KIRREL3: variants seen among roughly 807,000 people sequenced by gnomAD.
KIRREL3 encodes the protein kirre like nephrin family adhesion molecule 3.
KIRREL3 carries 36 observed loss-of-function variants against 89.7 expected under a neutral mutation model. The ratio of observed to expected loss-of-function variants is 0.40; its 90% CI spans 0.31 to 0.53. The LOEUF (loss-of-function observed/expected upper bound fraction) is 0.53, where lower values mean the gene tolerates loss of function less well. Among genes scored for constraint, KIRREL3 ranks in the 20% least tolerant of loss-of-function variants. The probability of loss-of-function intolerance (pLI) is 0.49; values close to 1 mark genes in which losing one functional copy is unlikely to be tolerated. For synonymous variants in KIRREL3, 445 were observed against 441.4 expected (o/e 1.01, Z -0.10); for missense variants, 864 against 1,056.6 (o/e 0.82, Z 2.53).
In KIRREL3 at chr11:126,530,534, G is replaced by A. The variant is rs1322325422; in HGVS notation, c.134-3847C>T. 3.9e-5 allele frequency among the ~76,000 whole-genome samples: 6 copies of A among 152,262 alleles called. No individual in the cohort carries two copies. Among genetic ancestry groups the A allele is most frequent in the South Asian group, 2.1e-4 (1 of 4,824 alleles). On this transcript the variant is annotated intron_variant, in intron 2 of 16. Coordinates refer to ENST00000525144, the MANE Select transcript of KIRREL3 (RefSeq NM_032531.4). This position sits in a 1 kb window ranked among gnomAD's most constrained non-coding sequence, Gnocchi z 5.8. ...TGTTTCTTCCACACACACACTGACC[G>A]GACCCTGCTGTGAGGCAGGCACTGT...
intron 1 of KIRREL3, among the ~76,000 whole-genome samples, chr11:126,572,124 C>T (rs2134629963): frequency 6.6e-6 from 1 of 152,250 alleles, no homozygotes; most frequent in Non-Finnish European, 1.5e-5. Flanking sequence ...GGCTGGGAGG[C>T]CAGGCAGGAA....
rs1055878374 is a variant in KIRREL3 at position 126,544,234 on chromosome 11, T to C, written c.134-17547A>G. On this transcript the variant is annotated intron_variant, in intron 2 of 16. Transcript: ENST00000525144. This position sits in a 1 kb window ranked among gnomAD's most constrained non-coding sequence, Gnocchi z 5.6. ...AGCATTCATGTCTGTAATTAGTTAC[T>C]GTATATCACGGTTAGTACTCTGCTC... The C allele has an allele frequency of 6.6e-6, 1 of 152,238 alleles. No individual in the cohort carries two copies. The highest frequency in any genetic ancestry group is 1.5e-5 in the Non-Finnish European group (1 of 68,046). The allele number at this position is 152,238 out of a possible 1,614,324, so 9.4% of individuals were successfully genotyped here.
intron 11 of KIRREL3, among the ~76,000 whole-genome samples, chr11:126,437,888 A>ACACACACACCATGTGCT (rs1381710192): frequency 6.6e-6 from 1 of 152,126 alleles, no homozygotes; most frequent in Admixed American, 6.5e-5. Context: ...ACTATGACAT[A>ACACACACACCATGTGCT]CACACACACC....
intron 1 of KIRREL3, among the ~76,000 whole-genome samples, chr11:126,854,822 C>A (rs558368730): frequency 2.0e-5 from 3 of 152,296 alleles, no homozygotes; most frequent in Admixed American, 2.0e-4. Context: ...GTGGCAGCAC[C>A]ATTTTCACAT....
At chr11:126,497,836 T>C (rs1404820223) in intron 4 of KIRREL3, among the ~76,000 whole-genome samples, 1 of 152,112 alleles carries the variant, frequency 6.6e-6, no homozygotes, top group Non-Finnish European at 1.5e-5. Flanking sequence ...TTAGTGTAGC[T>C]CCTCCTTCAG....
At chr11:126,789,220 C>T (rs1950566806) in intron 1 of KIRREL3, among the ~76,000 whole-genome samples, 1 of 152,144 alleles carries the variant, frequency 6.6e-6, no homozygotes, top group South Asian at 2.1e-4. Context: ...TTCTTTCTTT[C>T]TCCTAAATTT....
At chr11:126,793,803 A>G (rs1950720094) in intron 1 of KIRREL3, among the ~76,000 whole-genome samples, 1 of 152,274 alleles carries the variant, frequency 6.6e-6, no homozygotes, top group South Asian at 2.1e-4. Flanking sequence ...AGGAACAGGC[A>G]GAGGTGAAGA....
rs35604640 is a variant in KIRREL3, at chr11:126,778,045, GA to G, written c.56-215134del. On this transcript the variant is annotated intron_variant, in intron 1 of 16. Transcript: ENST00000525144. This position sits in a 1 kb window ranked among gnomAD's most constrained non-coding sequence, Gnocchi z 4.5. ...ATATGAGAAATACATGCTCATTGTA[GA>G]AAAAAAAAAAAAAAGAAAAACTATA... Among the ~76,000 whole-genome samples, 4,486 of 103,228 alleles carry G rather than the reference GA, an allele frequency of 0.043. 137 individuals carry two copies. Among genetic ancestry groups the G allele is most frequent in the African/African-American group, 0.12 (3,296 of 26,698 alleles). 67.7% of individuals were successfully genotyped at this position (103,228 alleles called of 152,430 possible).
chr11:126,722,346 A>G (rs1948208541), intron 1 of KIRREL3, among the ~76,000 whole-genome samples: 1 of 151,990 alleles, frequency 6.6e-6, no homozygotes. Flanking sequence ...CCTTTTGGGG[A>G]TTTTTTTCCC....
chr11:126,598,898 C>T (rs1385967236), intron 1 of KIRREL3, among the ~76,000 whole-genome samples: 1 of 152,244 alleles, frequency 6.6e-6, no homozygotes, highest in Non-Finnish European at 1.5e-5. Context: ...AGAATGTTCT[C>T]AACCCCAGTC....
In KIRREL3 at chr11:126,484,990, T is replaced by C. The variant is rs1957315204; in HGVS notation, c.434-11524A>G. On this transcript the variant is annotated intron_variant, in intron 4 of 16. Coordinates refer to ENST00000525144, the MANE Select transcript of KIRREL3 (RefSeq NM_032531.4). This position sits in a 1 kb window ranked among gnomAD's most constrained non-coding sequence, Gnocchi z 5.2. Reference sequence around the variant, plus strand: ...GCCACCACGCCTGGCTGATATTTTTTGGTACTTTTGGTGGAGACGGGGTTT... The same window carrying C: ...GCCACCACGCCTGGCTGATATTTTTCGGTACTTTTGGTGGAGACGGGGTTT... Among the ~76,000 whole-genome samples the C allele has an allele frequency of 6.6e-6, 1 of 152,104 alleles. No individual in the cohort carries two copies. Among genetic ancestry groups the C allele is most frequent in the Non-Finnish European group, 1.5e-5 (1 of 68,008 alleles).
chr11:126,774,164 C>CTTTTTT (rs5795521), intron 1 of KIRREL3, among the ~76,000 whole-genome samples: 10 of 137,134 alleles, frequency 7.3e-5, no homozygotes, highest in South Asian at 2.5e-4. Flanking sequence ...GAGAGTAAAG[C>CTTTTTT]TTTTTTTTTT....
At position 126,576,986 on chromosome 11, in the gene KIRREL3, A is replaced by G. The variant is rs953639663; in HGVS notation, c.56-14074T>C. Among the ~76,000 whole-genome samples the G allele has an allele frequency of 1.3e-5, 2 of 152,256 alleles. No homozygotes were observed. The highest frequency in any genetic ancestry group is 4.2e-4 in the South Asian group (2 of 4,818). Reference sequence around the variant, plus strand: ...CTCATATGAGAAAACTGAGGCTGAGAGAGGCTCAAGGGCTCCCATAACTGA... The same window carrying G: ...CTCATATGAGAAAACTGAGGCTGAGGGAGGCTCAAGGGCTCCCATAACTGA... On this transcript the variant is annotated intron_variant, in intron 1 of 16. Coordinates refer to ENST00000525144, the MANE Select transcript of KIRREL3 (RefSeq NM_032531.4). The surrounding 1 kb of genome is among the most constrained non-coding windows in gnomAD (Gnocchi z 5.4).
chr11:126,803,823 G>C (rs1374152095), intron 1 of KIRREL3, among the ~76,000 whole-genome samples: 1 of 152,162 alleles, frequency 6.6e-6, no homozygotes, highest in African/African-American at 2.4e-5. Context: ...ATACACTCAA[G>C]GGTAAGAGCT....
rs193051614 is a variant in KIRREL3 at position 126,486,659 on chromosome 11, T to A, written c.434-13193A>T. 3.2e-3 allele frequency among the ~76,000 whole-genome samples: 493 copies of A among 152,306 alleles called. 2 individuals are homozygous for A. The highest frequency in any genetic ancestry group is 4.8e-3 in the Non-Finnish European group (324 of 68,020). ...TTCATGGTATGGTGGGCCCTTGCAG[T>A]AGCCTTATTTCATAGGTGGGTAAAC... On this transcript the variant is annotated intron_variant, in intron 4 of 16. Transcript: ENST00000525144. The surrounding 1 kb of genome is among the most constrained non-coding windows in gnomAD (Gnocchi z 6.2).
In KIRREL3 at chr11:126,972,818, T is replaced by C. The variant is rs189375195; in HGVS notation, c.55+27637A>G. 3.3e-3 allele frequency among the ~76,000 whole-genome samples: 501 copies of C among 152,234 alleles called. 1 individual carries two copies. Among genetic ancestry groups the C allele is most frequent in the Non-Finnish European group, 5.0e-3 (339 of 68,006 alleles). The stretch of plus-strand genomic sequence containing the variant: ...TCTTTCCTTACCTTGATCAATGTTA[T>C]GGTGCACCTAGCTAAAAACAACTGC... On this transcript the variant is annotated intron_variant, in intron 1 of 16. Coordinates refer to ENST00000525144, the MANE Select transcript of KIRREL3 (RefSeq NM_032531.4).
Position 126,508,065 on chromosome 11 carries a change from C to T in KIRREL3, c.433+13250G>A, listed in dbSNP as rs1958085108. 6.6e-6 allele frequency among the ~76,000 whole-genome samples: 1 copy of T among 152,204 alleles called. No homozygotes were observed. Among genetic ancestry groups the T allele is most frequent in the Admixed American group, 6.5e-5 (1 of 15,286 alleles). ...TCCTTCCTGGGGGGTGGCTGTGTGG[C>T]CATCAGCCTTCTCCTCCCTTTCTTG... On this transcript the variant is annotated intron_variant, in intron 4 of 16. Transcript: ENST00000525144. The surrounding 1 kb of genome is among the most constrained non-coding windows in gnomAD (Gnocchi z 4.9).
chr11:126,584,798 A>T (rs753296517), intron 1 of KIRREL3, among the ~76,000 whole-genome samples: 2 of 152,356 alleles, frequency 1.3e-5, no homozygotes, highest in Non-Finnish European at 2.9e-5. Flanking sequence ...TCAACAGGCC[A>T]CAACCCCAAT....
intron 1 of KIRREL3, among the ~76,000 whole-genome samples, chr11:126,984,523 A>G (rs1467213866): frequency 6.6e-6 from 1 of 152,212 alleles, no homozygotes; most frequent in East Asian, 1.9e-4. Context: ...AAAAGCTTCC[A>G]GGCCATTCTC....
Sources: gnomAD v4.1 joint callset for allele counts (sites outside exome capture counted in the v4.1 genomes callset) on GRCh38, gnomAD v4.1.1 for gene constraint, Gnocchi (gnomAD v3.1) non-coding constraint, MANE v1.5 for transcripts, NCBI Gene and HGNC (gene_info 2026-07-23, HGNC 2026-07-21) for gene names.